ASTN2: variants seen among roughly 807,000 people sequenced by gnomAD.
ASTN2 encodes astrotactin 2.
A neutral mutation model predicts 139.8 loss-of-function variants in ASTN2; 54 were observed. The ratio of observed to expected loss-of-function variants is 0.39; its 90% CI spans 0.31 to 0.48. The LOEUF (loss-of-function observed/expected upper bound fraction) is 0.48. Ranked by LOEUF, ASTN2 falls within the 20% of genes least tolerant of loss-of-function variation. The pLI is 0.95. For missense variants in ASTN2, 1,565 were observed against 1,725.1 expected, an observed-to-expected ratio of 0.91 and a Z score of 1.64; for synonymous variants, 756 against 719.5, an observed-to-expected ratio of 1.05 and a Z score of -0.81.
intron 1 of ASTN2, among the ~76,000 whole-genome samples, chr9:117,314,585 T>C (rs1297673736): frequency 6.8e-6 from 1 of 147,774 alleles, no homozygotes; most frequent in Non-Finnish European, 1.5e-5. Context: ...ACACATATTA[T>C]CATATATTTT....
At chr9:117,303,198 G>T (rs1271697179) in intron 1 of ASTN2, among the ~76,000 whole-genome samples, 4 of 152,110 alleles carry the variant, frequency 2.6e-5, no homozygotes, top group East Asian at 1.9e-4. Flanking sequence ...ACCAGGAATT[G>T]CTTTTATCTC....
intron 4 of ASTN2, among the ~76,000 whole-genome samples, chr9:117,096,917 C>A (rs944490802): frequency 6.6e-6 from 1 of 152,154 alleles, no homozygotes; most frequent in Non-Finnish European, 1.5e-5. Context: ...TCAGGGGCAA[C>A]ATTAAGTGGA....
intron 5 of ASTN2, among the ~76,000 whole-genome samples, chr9:117,081,680 G>A (rs113040279): frequency 0.029 from 4,370 of 152,284 alleles, 198 homozygotes; most frequent in African/African-American, 0.1. Context: ...GCCCTTAAAA[G>A]AGAATCGGGC....
chr9:117,016,813 T>TTATATATATATATA (rs11378164), intron 6 of ASTN2, among the ~76,000 whole-genome samples: 87 of 92,576 alleles, frequency 9.4e-4, no homozygotes, highest in South Asian at 2.5e-3. Flanking sequence ...TATATATGTT[T>TTATATATATATATA]TATATATATA....
chr9:116,476,795 C>G (rs770566492), intron 20 of ASTN2, among the ~76,000 whole-genome samples: 1 of 152,184 alleles, frequency 6.6e-6, no homozygotes, highest in Non-Finnish European at 1.5e-5. Flanking sequence ...CATCCTTCCC[C>G]CTTTTATCAA....
chr9:117,203,424 T>G (rs1285241320), intron 3 of ASTN2, among the ~76,000 whole-genome samples: 1 of 152,112 alleles, frequency 6.6e-6, no homozygotes, highest in Non-Finnish European at 1.5e-5. Context: ...CGCTCTGCTC[T>G]TTTGGGTTTT....
chr9:117,188,672 A>G (rs1243460743), intron 3 of ASTN2, among the ~76,000 whole-genome samples: 1 of 152,178 alleles, frequency 6.6e-6, no homozygotes, highest in Non-Finnish European at 1.5e-5. Flanking sequence ...CATTCATTCC[A>G]CGGATGAGAA....
intron 2 of ASTN2, among the ~76,000 whole-genome samples, chr9:117,282,964 A>G (rs1029225245): frequency 2.0e-5 from 3 of 148,036 alleles, no homozygotes; most frequent in Non-Finnish European, 4.4e-5. Context: ...AGATCCCACT[A>G]TATTTCATAC....
chr9:117,171,800 A>C (rs770711943), intron 3 of ASTN2, among the ~76,000 whole-genome samples: 5 of 152,310 alleles, frequency 3.3e-5, no homozygotes, highest in Non-Finnish European at 4.4e-5. Context: ...TGACTCAATT[A>C]AACCTCTTTC....
intron 13 of ASTN2, among the ~76,000 whole-genome samples, chr9:116,764,079 AT>A (rs973612243): frequency 8.5e-5 from 13 of 152,158 alleles, no homozygotes; most frequent in Non-Finnish European, 1.6e-4. Flanking sequence ...TTTTCACCTC[AT>A]GGATAAGAGA....
chr9:116,981,649 G>T (rs922888234), intron 7 of ASTN2, among the ~76,000 whole-genome samples: 1 of 152,154 alleles, frequency 6.6e-6, no homozygotes, highest in Non-Finnish European at 1.5e-5. Context: ...TGCATTGGTG[G>T]TATCAATAGT....
At chr9:116,661,373 C>T (rs1043362547) in intron 16 of ASTN2, among the ~76,000 whole-genome samples, 4 of 152,082 alleles carry the variant, frequency 2.6e-5, no homozygotes, top group African/African-American at 9.7e-5. Flanking sequence ...ACAGTAAAAG[C>T]TAGCTATGAT....
intron 10 of ASTN2, among the ~76,000 whole-genome samples, chr9:116,927,822 T>C (rs1035446947): frequency 7.9e-5 from 12 of 152,218 alleles, no homozygotes; most frequent in African/African-American, 2.4e-5. Flanking sequence ...TCTTGGAATA[T>C]GTGAGTAAGT....
At chr9:117,351,219 AC>A (rs1292870591) in intron 1 of ASTN2, among the ~76,000 whole-genome samples, 1 of 152,178 alleles carries the variant, frequency 6.6e-6, no homozygotes, top group Non-Finnish European at 1.5e-5. Context: ...AAAAGAGAAT[AC>A]GGCAATCCCA....
At chr9:116,467,634 C>T (rs1228912390) in intron 20 of ASTN2, among the ~76,000 whole-genome samples, 4 of 152,232 alleles carry the variant, frequency 2.6e-5, no homozygotes, top group Admixed American at 2.6e-4. Flanking sequence ...CACTGTTAGA[C>T]TTCCCAGTTA....
chr9:116,509,491 C>A (rs1047451541), intron 19 of ASTN2, among the ~76,000 whole-genome samples: 18 of 152,116 alleles, frequency 1.2e-4, no homozygotes, highest in Admixed American at 1.3e-4. Context: ...GTCTTTATAG[C>A]AGCATGACTT....
chr9:117,259,160 C>A (rs1833761768), intron 2 of ASTN2, among the ~76,000 whole-genome samples: 1 of 152,124 alleles, frequency 6.6e-6, no homozygotes, highest in South Asian at 2.1e-4. Context: ...AAAAATGCTC[C>A]CCTTAGCTCC....
chr9:117,344,521 T>C (rs1369293472), intron 1 of ASTN2, among the ~76,000 whole-genome samples: 1 of 152,162 alleles, frequency 6.6e-6, no homozygotes, highest in African/African-American at 2.4e-5. Context: ...AAGACAGCAG[T>C]GCCCAGGGTT....
chr9:117,124,020 A>G (rs1331540282), intron 4 of ASTN2, among the ~76,000 whole-genome samples: 1 of 152,170 alleles, frequency 6.6e-6, no homozygotes, highest in Non-Finnish European at 1.5e-5. Flanking sequence ...TCGAATTTAT[A>G]GGAATTAAGG....
Sources: allele counts gnomAD v4.1 joint callset (sites outside exome capture counted in the v4.1 genomes callset), GRCh38; gene constraint gnomAD v4.1.1; transcripts MANE v1.5; gene names NCBI Gene and HGNC (gene_info 2026-07-23, HGNC 2026-07-21).